The following GALNT13 variants were observed in gnomAD, a reference collection of about 807,000 sequenced individuals.
The protein encoded by GALNT13 is UDP-GalNAc:polypeptide N-acetylgalactosaminyltransferase 13.
Under a neutral mutation model 64.2 loss-of-function variants are expected in GALNT13, and 28 were observed. The observed-to-expected ratio is 0.44, with a 90% confidence interval of 0.32 to 0.60. GALNT13 has a LOEUF of 0.60. GALNT13 is among the 20% of genes least tolerant of loss of function. GALNT13 has a pLI of 0.05. For synonymous variants in GALNT13, 214 were observed against 224.6 expected (o/e 0.95, Z 0.42); for missense variants, 577 against 669.8 (o/e 0.86, Z 1.53).
chr2:153,295,159 G>C, the GALNT13 span, among the ~76,000 whole-genome samples: 7 of 152,098 alleles, frequency 4.6e-5, no homozygotes, highest in Non-Finnish European at 8.8e-5. Context: ...ATGGAAAAGT[G>C]GGGCTGGCAC....
chr2:153,596,401 T>C, the GALNT13 span, among the ~76,000 whole-genome samples: 1 of 152,112 alleles, frequency 6.6e-6, no homozygotes, highest in Non-Finnish European at 1.5e-5. Context: ...TATAGAGATG[T>C]TTTCTGCAGC....
chr2:153,188,537 G>A, the GALNT13 span, among the ~76,000 whole-genome samples: 2 of 152,114 alleles, frequency 1.3e-5, no homozygotes, highest in African/African-American at 4.8e-5. Context: ...GTGAATCTGA[G>A]TTCAGTAACA....
the GALNT13 span, among the ~76,000 whole-genome samples, chr2:153,813,692 T>C: frequency 2.6e-5 from 4 of 152,228 alleles, no homozygotes; most frequent in African/African-American, 9.6e-5. Flanking sequence ...ATACTGCCAG[T>C]GGCTGGAAAT....
chr2:154,437,581 G>A, intron 11 of GALNT13: 2 of 1,279,152 alleles, frequency 1.6e-6, no homozygotes, highest in Middle Eastern at 3.3e-4. Context: ...ATGAGGCTGG[G>A]CATGGCGGCT....
intron 10 of GALNT13, among the ~76,000 whole-genome samples, chr2:154,398,856 G>A (rs574055363): frequency 6.6e-6 from 1 of 152,158 alleles, no homozygotes. Flanking sequence ...GATTTCCTAT[G>A]CCAACAGTTA....
chr2:154,164,892 C>T (rs910015563), intron 4 of GALNT13, among the ~76,000 whole-genome samples: 3 of 152,070 alleles, frequency 2.0e-5, no homozygotes, highest in Non-Finnish European at 4.4e-5. Context: ...TTAAGGAGGA[C>T]AGCAGTTGGG....
At chr2:153,437,538 A>G in the GALNT13 span, among the ~76,000 whole-genome samples, 3 of 152,218 alleles carry the variant, frequency 2.0e-5, no homozygotes, top group African/African-American at 7.2e-5. Flanking sequence ...TATTTAGGAT[A>G]GTTAGCTCTT....
chr2:153,652,427 C>T, the GALNT13 span, among the ~76,000 whole-genome samples: 2 of 152,020 alleles, frequency 1.3e-5, no homozygotes, highest in Admixed American at 1.3e-4. Flanking sequence ...TCAGCTTGCC[C>T]AACATGGCAA....
At chr2:153,404,420 C>T in the GALNT13 span, among the ~76,000 whole-genome samples, 1 of 152,118 alleles carries the variant, frequency 6.6e-6, no homozygotes, top group Non-Finnish European at 1.5e-5. Flanking sequence ...TATTATGTGA[C>T]AAGTGGTTTT....
At chr2:154,043,463 T>C (rs142348123) in intron 3 of GALNT13, among the ~76,000 whole-genome samples, 8,595 of 111,876 alleles carry the variant, frequency 0.077, 762 homozygotes, top group African/African-American at 0.21. Context: ...TATACACACA[T>C]GTATACATAA....
intron 3 of GALNT13, among the ~76,000 whole-genome samples, chr2:153,979,719 CT>C (rs1231177809): frequency 6.6e-6 from 1 of 152,112 alleles, no homozygotes; most frequent in Non-Finnish European, 1.5e-5. Context: ...TATAAACATT[CT>C]TCAACCTCAT....
At chr2:153,210,591 C>T in the GALNT13 span, among the ~76,000 whole-genome samples, 1 of 152,154 alleles carries the variant, frequency 6.6e-6, no homozygotes, top group African/African-American at 2.4e-5. Flanking sequence ...ACATTCGTCA[C>T]ACATAAACTT....
the GALNT13 span, among the ~76,000 whole-genome samples, chr2:153,818,934 C>G: frequency 1.3e-5 from 2 of 152,122 alleles, no homozygotes; most frequent in Non-Finnish European, 2.9e-5. Flanking sequence ...GAGGACCAGT[C>G]CACCCCTCCC....
At chr2:153,366,779 A>G in the GALNT13 span, among the ~76,000 whole-genome samples, 213 of 150,132 alleles carry the variant, frequency 1.4e-3, no homozygotes, top group Non-Finnish European at 2.3e-3. Flanking sequence ...ACACACTGCT[A>G]TAAATATAAC....
chr2:154,236,184 A>G (rs773069657), intron 4 of GALNT13: 200 of 1,070,238 alleles, frequency 1.9e-4, no homozygotes, highest in Admixed American at 3.2e-4. Context: ...CATAAAGGTA[A>G]TCTTCCTACT....
the GALNT13 span, chr2:153,370,500 G>A: frequency 6.6e-6 from 1 of 152,088 alleles, no homozygotes; most frequent in African/African-American, 2.4e-5. Context: ...GGAAGTCAAG[G>A]CTCATTTATT....
the GALNT13 span, among the ~76,000 whole-genome samples, chr2:153,133,146 A>G: frequency 6.6e-6 from 1 of 151,118 alleles, no homozygotes; most frequent in Non-Finnish European, 1.5e-5. Context: ...AGACAGTTCC[A>G]TCAGTACCAG....
At chr2:153,231,563 A>G in the GALNT13 span, among the ~76,000 whole-genome samples, 1 of 152,238 alleles carries the variant, frequency 6.6e-6, no homozygotes, top group East Asian at 1.9e-4. Flanking sequence ...GTATATACTC[A>G]TAACAGCATA....
chr2:153,754,477 G>A, the GALNT13 span, among the ~76,000 whole-genome samples: 7 of 152,236 alleles, frequency 4.6e-5, no homozygotes, highest in African/African-American at 1.7e-4. Context: ...TGGAAAAGTT[G>A]CACAGGAACT....
Sources: gnomAD v4.1 joint callset for allele counts (sites outside exome capture counted in the v4.1 genomes callset) on GRCh38, gnomAD v4.1.1 for gene constraint, MANE v1.5 for transcripts, NCBI Gene and HGNC (gene_info 2026-07-23, HGNC 2026-07-21) for gene names.